Variants in MYO7B observed in about 807,000 individuals in gnomAD.
MYO7B encodes the protein unconventional myosin-VIIb.
Under a neutral mutation model 259.7 loss-of-function variants are expected in MYO7B, and 212 were observed. The ratio of observed to expected loss-of-function variants is 0.82; its 90% CI spans 0.73 to 0.91. The LOEUF (loss-of-function observed/expected upper bound fraction) is 0.91, where lower values mean the gene tolerates loss of function less well. MYO7B is among the 40% of genes least tolerant of loss of function. The probability of loss-of-function intolerance (pLI) is 0.00; values close to 1 mark genes in which losing one functional copy is unlikely to be tolerated. For missense variants in MYO7B, 2,732 were observed against 2,813.5 expected (o/e 0.97, Z 0.66); for synonymous variants, 1,197 against 1,166.4 (o/e 1.03, Z -0.54).
At position 127,636,681 on chromosome 2, in the gene MYO7B, G is replaced by A; in HGVS notation, c.6207+53G>A. 6 of 1,558,630 alleles carry A rather than the reference G, an allele frequency of 3.8e-6. No homozygotes were observed. The highest frequency in any genetic ancestry group is 1.3e-5 in the African/African-American group (1 of 74,372). ...GGGGCCACCAGGTCCAGGGACCTGT[G>A]CAGGTGGGGCTGCAGTCATCTCTGC... is the stretch of plus-strand genomic sequence containing the variant. On this transcript the variant is annotated intron_variant, in intron 46 of 47. Transcript: ENST00000409816. This position sits in a 1 kb window ranked among gnomAD's most constrained non-coding sequence, Gnocchi z 4.5.
chr2:127,616,323 A>C (rs1301127881), intron 26 of MYO7B, among the ~76,000 whole-genome samples: 1 of 152,228 alleles, frequency 6.6e-6, no homozygotes, highest in African/African-American at 2.4e-5. Flanking sequence ...TGGATCTACT[A>C]GATGCTATGG....
chr2:127,616,090 C>T (rs996055648), intron 26 of MYO7B, among the ~76,000 whole-genome samples: 1 of 152,242 alleles, frequency 6.6e-6, no homozygotes, highest in Non-Finnish European at 1.5e-5. Context: ...GCTCCACAAG[C>T]TGCAACTCAG....
rs1192994381 is a variant in MYO7B at position 127,584,332 on chromosome 2, G to C, written c.1554G>C (p.Gln518His). 6.2e-6 allele frequency: 10 copies of C among 1,613,842 alleles called. No individual in the cohort carries two copies. The South Asian group carries it at 8.8e-5, about 14-fold the overall frequency. Residue 518 changes from glutamine (Q) to histidine (H), a missense_variant and splice_region_variant, in exon 13 of 48, where the codon CAG (glutamine) becomes CAC (histidine). Transcript: ENST00000409816. This position sits in a 1 kb window ranked among gnomAD's most constrained non-coding sequence, Gnocchi z 5.8. Reference protein sequence around the residue: ...SLLDEESRFPQGTDLTMLQKL... With the variant: ...SLLDEESRFPHGTDLTMLQKL... ...TGGACGAAGAAAGCCGCTTCCCGCAGGTGTGTGTTCGGGCCTGCCGACCTT... is the reference window on the plus strand; with the variant it reads ...TGGACGAAGAAAGCCGCTTCCCGCACGTGTGTGTTCGGGCCTGCCGACCTT...
chr2:127,637,517 GCCTTC>G lies in MYO7B; in HGVS notation c.*102_*106del. ...ACCCAGGGCCTGTCCTTGGCGGGCA[GCCTTC>G]CATGCTGCCCCCCATACAAAGCCCA... On this transcript the variant is annotated 3_prime_UTR_variant, in exon 48 of 48. Transcript: ENST00000409816. 9.0e-6 allele frequency: 8 copies of G among 889,172 alleles called. No homozygotes were observed. Among genetic ancestry groups the G allele is most frequent in the Non-Finnish European group, 1.2e-5 (7 of 602,636 alleles). The allele number at this position is 889,172 out of a possible 1,614,324, so 55.1% of individuals were successfully genotyped here.
chr2:127,636,056 C>G lies in MYO7B; in HGVS notation c.6006+149C>G, dbSNP rs1054732549. The G allele has an allele frequency of 7.0e-5, 75 of 1,074,416 alleles. No homozygotes were observed. Among genetic ancestry groups the G allele is most frequent in the Middle Eastern group, 2.2e-4 (1 of 4,554 alleles). The allele number at this position is 1,074,416 out of a possible 1,614,324, so 66.6% of individuals were successfully genotyped here. On this transcript the variant is annotated intron_variant, in intron 44 of 47. Transcript: ENST00000409816. The surrounding 1 kb of genome is among the most constrained non-coding windows in gnomAD (Gnocchi z 4.5). ...CTGGCTCTGCACACACCACGCCTTC[C>G]TATGCCATCCACAGCACCGAGACTG... is the stretch of plus-strand genomic sequence containing the variant.
chr2:127,579,296 TG>T (rs1466172849), intron 9 of MYO7B, among the ~76,000 whole-genome samples: 1 of 152,054 alleles, frequency 6.6e-6, no homozygotes, highest in Non-Finnish European at 1.5e-5. Flanking sequence ...CTCAAAGCAA[TG>T]GGAAGGGATA....
intron 1 of MYO7B, among the ~76,000 whole-genome samples, chr2:127,555,089 A>C (rs573718584): frequency 6.6e-6 from 1 of 152,120 alleles, no homozygotes; most frequent in Non-Finnish European, 1.5e-5. Flanking sequence ...CTGGGATTAC[A>C]GGTGCCCACC....
chr2:127,607,534 A>G lies in MYO7B; in HGVS notation c.2643+110A>G. On this transcript the variant is annotated intron_variant, in intron 21 of 47. Coordinates refer to ENST00000409816, the MANE Select transcript of MYO7B (RefSeq NM_001393586.1). The surrounding 1 kb of genome is among the most constrained non-coding windows in gnomAD (Gnocchi z 4.4). ...GAGAGCTCACCAGAAGCGCTTTGGA[A>G]AATCCCCCCGCCCCCGCCACAAGCC... is the stretch of plus-strand genomic sequence containing the variant. 1 of 904,770 alleles carries G rather than the reference A, an allele frequency of 1.1e-6. No individual in the cohort carries two copies. The highest frequency in any genetic ancestry group is 1.7e-5 in the South Asian group (1 of 57,606). The allele number at this position is 904,770 out of a possible 1,614,324, so 56.0% of individuals were successfully genotyped here.
intron 19 of MYO7B, among the ~76,000 whole-genome samples, chr2:127,602,566 C>G (rs1377817735): frequency 6.6e-6 from 1 of 152,134 alleles, no homozygotes; most frequent in African/African-American, 2.4e-5. Flanking sequence ...TGGAAGGATC[C>G]TTGAGGCCAG....
At position 127,581,945 on chromosome 2, in the gene MYO7B, G is replaced by T. The variant is rs1437492957; in HGVS notation, c.1135G>T (p.Gly379Trp). ...CLIKHTILIRGEFVTRSLNIA... is the reference protein window; with the variant it reads ...CLIKHTILIRWEFVTRSLNIA... ...GATCAAGCACACCATCCTCATCCGA[G>T]GGGAATTTGTCACCAGGTCCCTGAA... The change falls in exon 11 of 48, where the codon GGG becomes TGG. Residue 379 changes from glycine to tryptophan, a missense_variant. Transcript: ENST00000409816. 6.2e-7 allele frequency: 1 copy of T among 1,613,816 alleles called. No individual in the cohort carries two copies. The highest frequency in any genetic ancestry group is 8.5e-7 in the Non-Finnish European group (1 of 1,179,892).
intron 2 of MYO7B, among the ~76,000 whole-genome samples, chr2:127,561,172 C>T (rs1159718247): frequency 6.6e-6 from 1 of 152,130 alleles, no homozygotes; most frequent in Admixed American, 6.5e-5. Context: ...TAACTGCAAG[C>T]AGAGTTTAGA....
In MYO7B at chr2:127,593,626, G is replaced by A; in HGVS notation, c.2226G>A (p.Lys742=). ...LRTDKDWKAG[K]TKIFLRDHQD... is the part of the protein sequence containing the mutation. The stretch of plus-strand genomic sequence containing the variant: ...CAGACAAAGACTGGAAAGCGGGGAA[G>A]ACAAAAATTTTCCTGAGGGTGAGAC... Residue 742 remains lysine, a synonymous_variant, in exon 18 of 48, where the codon AAG becomes AAA. Transcript: ENST00000409816. The A allele has an allele frequency of 2.5e-6, 4 of 1,613,736 alleles. No homozygotes were observed. The highest frequency in any genetic ancestry group is 3.4e-6 in the Non-Finnish European group (4 of 1,179,840).
rs758498861 is a variant in MYO7B, at chr2:127,596,475, C to T, written c.2258C>T (p.Thr753Ile). 6.2e-7 allele frequency: 1 copy of T among 1,613,474 alleles called. No homozygotes were observed. Among genetic ancestry groups the T allele is most frequent in the South Asian group, 1.1e-5 (1 of 90,904 alleles). Residue 753 changes from threonine (T) to isoleucine (I), a missense_variant, in exon 19 of 48, where the codon ACT becomes ATT. Thr to Ile is a moderately conservative substitution (Grantham distance 89, BLOSUM62 -1). Around this residue, in one of 3 missense-constraint regions of MYO7B, gnomAD observed 1,906 missense variants for 2,026.4 expected, o/e 0.94. Coordinates refer to ENST00000409816, the MANE Select transcript of MYO7B (RefSeq NM_001393586.1). ...TKIFLRDHQD[T>I]LLEVQRSQVL... is the part of the protein sequence containing the mutation. ...CTCCTGTTCCAGGATCATCAGGACA[C>T]TCTGCTGGAGGTACAGAGAAGCCAG... is the stretch of plus-strand genomic sequence containing the variant.
At position 127,625,497 on chromosome 2, in the gene MYO7B, G is replaced by T. The variant is rs1292206988; in HGVS notation, c.4177G>T (p.Asp1393Tyr). Residue 1393 changes from aspartate to tyrosine, a missense_variant, in exon 31 of 48, where the codon GAC becomes TAC. Asp to Tyr is a radical substitution (Grantham distance 160, BLOSUM62 -3). This residue lies in a region of MYO7B where 1,906 missense variants were observed against 2,026.4 expected (regional missense o/e 0.94). Coordinates refer to ENST00000409816, the MANE Select transcript of MYO7B (RefSeq NM_001393586.1). ...CAAGCTGTACAGGACCAAGCCCCCAGACAGGTGGGCGAGCCTCGTCACTGC... is the reference window on the plus strand; with the variant it reads ...CAAGCTGTACAGGACCAAGCCCCCATACAGGTGGGCGAGCCTCGTCACTGC... ...PHKLYRTKPP[D>Y]RWASLVTAAC... 1.9e-6 allele frequency: 3 copies of T among 1,609,592 alleles called. No individual in the cohort carries two copies. The highest frequency in any genetic ancestry group is 1.3e-5 in the African/African-American group (1 of 74,796).
At chr2:127,600,513 C>G (rs1043444588) in intron 19 of MYO7B, among the ~76,000 whole-genome samples, 8 of 152,186 alleles carry the variant, frequency 5.3e-5, no homozygotes, top group Non-Finnish European at 8.8e-5. Context: ...AGTCCGAGAC[C>G]AGCCTGGCCA....
At chr2:127,558,140 A>C (rs1177285298) in intron 1 of MYO7B, among the ~76,000 whole-genome samples, 1 of 152,208 alleles carries the variant, frequency 6.6e-6, no homozygotes, top group Non-Finnish European at 1.5e-5. Context: ...AACTCAAACA[A>C]ATTAGTAAGA....
intron 39 of MYO7B, 57 bp from the exon 40 acceptor site, chr2:127,633,201 G>A: frequency 7.3e-7 from 1 of 1,367,676 alleles, no homozygotes; most frequent in Non-Finnish European, 1.0e-6. Flanking sequence ...TCGGGGCTGG[G>A]GCATGGGTGA....
chr2:127,606,236 G>A (rs1164138986), intron 20 of MYO7B, among the ~76,000 whole-genome samples: 1 of 152,202 alleles, frequency 6.6e-6, no homozygotes, highest in Non-Finnish European at 1.5e-5. Context: ...CAACTTGCAG[G>A]CAACAAATAA....
rs140905220 is a variant in MYO7B at position 127,633,687 on chromosome 2, G to A, written c.5511+324G>A. ...TGACCATCTGGGGTGCAGGAGAGCA[G>A]GTATTCCCACTGTGTGTGCCTTGTG... On this transcript the variant is annotated intron_variant, in intron 40 of 47. Transcript: ENST00000409816. Among the ~76,000 whole-genome samples, 515 of 152,318 alleles carry A rather than the reference G, an allele frequency of 3.4e-3. 5 individuals are homozygous for A. Among genetic ancestry groups the A allele is most frequent in the African/African-American group, 0.011 (475 of 41,574 alleles).
Sources: allele counts gnomAD v4.1 joint callset (sites outside exome capture counted in the v4.1 genomes callset), GRCh38; gene constraint gnomAD v4.1.1; regional missense constraint gnomAD v4.1.1; non-coding constraint Gnocchi (gnomAD v3.1); transcripts MANE v1.5; gene names NCBI Gene and HGNC (gene_info 2026-07-23, HGNC 2026-07-21).